CENPO: variants seen among roughly 807,000 people sequenced by gnomAD.
The protein encoded by CENPO is centromeric protein O.
CENPO carries 30 observed loss-of-function variants against 36.1 expected under a neutral mutation model. That is an observed-to-expected ratio of 0.83 (90% CI 0.62 to 1.13). The LOEUF is 1.13. CENPO is among the 50% of genes most tolerant of loss of function. The probability of loss-of-function intolerance (pLI) is 0.00; values close to 1 mark genes in which losing one functional copy is unlikely to be tolerated. For missense variants in CENPO, 349 were observed against 357.8 expected, an observed-to-expected ratio of 0.98 and a Z score of 0.20; for synonymous variants, 171 against 142.3, an observed-to-expected ratio of 1.20 and a Z score of -1.44.
intron 3 of CENPO, among the ~76,000 whole-genome samples, chr2:24,809,918 C>T (rs182442773): frequency 1.3e-5 from 2 of 152,076 alleles, no homozygotes; most frequent in Non-Finnish European, 2.9e-5. Context: ...TGTGGTGGCA[C>T]ATACCTGTAA....
At chr2:24,815,400 T>C in intron 4 of CENPO, 97 bp from the exon 5 acceptor site, 1 of 880,760 alleles carries the variant, frequency 1.1e-6, no homozygotes, top group Admixed American at 1.9e-5. Flanking sequence ...GTACAAAGTG[T>C]ACATATTCTA....
At chr2:24,799,934 T>A in intron 3 of CENPO, 90 bp downstream of exon 3, 1 of 1,367,672 alleles carries the variant, frequency 7.3e-7, no homozygotes, top group Non-Finnish European at 1.0e-6. Context: ...TTTTATAATG[T>A]GTTTTACTTG....
Position 24,821,026 on chromosome 2 carries a change from G to T in CENPO, c.*1708G>T. On this transcript the variant is annotated 3_prime_UTR_variant, in exon 8 of 8. Coordinates refer to ENST00000380834, the MANE Select transcript of CENPO (RefSeq NM_001322101.2). ...AATCACATCTCCTGTTTATCCGTGT[G>T]CTTGTTAGGTGTCAGCCGCCACCCC... is the stretch of plus-strand genomic sequence containing the variant. 2.2e-6 allele frequency: 2 copies of T among 903,974 alleles called. No homozygotes were observed. The highest frequency in any genetic ancestry group is 3.2e-6 in the Non-Finnish European group (2 of 623,182). 56.0% of individuals were successfully genotyped at this position (903,974 alleles called of 1,614,324 possible).
Position 24,821,229 on chromosome 2 carries a change from A to G in CENPO, c.*1911A>G, listed in dbSNP as rs1667650708. The G allele has an allele frequency of 6.6e-6, 3 of 454,200 alleles. No individual in the cohort carries two copies. The highest frequency in any genetic ancestry group is 7.8e-5 in the Admixed American group (2 of 25,582). The allele number at this position is 454,200 out of a possible 1,614,324, so 28.1% of individuals were successfully genotyped here. On this transcript the variant is annotated 3_prime_UTR_variant, in exon 8 of 8. Coordinates refer to ENST00000380834, the MANE Select transcript of CENPO (RefSeq NM_001322101.2). ...AGCCATGTCCTCAGCAGGCACAGCAACCCCTCTGGAAATGGATCACAAACT... is the reference window on the plus strand; with the variant it reads ...AGCCATGTCCTCAGCAGGCACAGCAGCCCCTCTGGAAATGGATCACAAACT...
chr2:24,820,255 C>A lies in CENPO; in HGVS notation c.*937C>A. The A allele has an allele frequency of 8.3e-7, 1 of 1,198,354 alleles. No individual in the cohort carries two copies. Among genetic ancestry groups the A allele is most frequent in the East Asian group, 2.9e-5 (1 of 34,414 alleles). 74.2% of individuals were successfully genotyped at this position (1,198,354 alleles called of 1,614,324 possible). On this transcript the variant is annotated 3_prime_UTR_variant, in exon 8 of 8. Coordinates refer to ENST00000380834, the MANE Select transcript of CENPO (RefSeq NM_001322101.2). ...GGACACTCCCCAAACCTCCCAGGGC[C>A]AAGCCCTTCCACCCGTGGCGAGCAG...
chr2:24,813,389 T>TA (rs1666790622), intron 3 of CENPO, among the ~76,000 whole-genome samples: 1 of 152,206 alleles, frequency 6.6e-6, no homozygotes, highest in Non-Finnish European at 1.5e-5. Context: ...CGGTTTCCCT[T>TA]ACTCCTAGGG....
chr2:24,796,926 G>T (rs906821535), intron 2 of CENPO, among the ~76,000 whole-genome samples: 5 of 152,168 alleles, frequency 3.3e-5, no homozygotes, highest in Non-Finnish European at 7.3e-5. Flanking sequence ...GTGTGGAAAT[G>T]CCTAGAGAAG....
Position 24,821,861 on chromosome 2 carries a change from GGAGACGGACCTGTGAGTCTGACCAC to G in CENPO, c.*2547_*2571del. On this transcript the variant is annotated 3_prime_UTR_variant, in exon 8 of 8. Transcript: ENST00000380834. ...GGCAAAGACTGGGCAATTGAGCAGA[GGAGACGGACCTGTGAGTCTGACCAC>G]GAGGCGGACCCCTTCACCTTGGCTG... 1 of 571,588 alleles carries G rather than the reference GGAGACGGACCTGTGAGTCTGACCAC, an allele frequency of 1.7e-6. No homozygotes were observed. The highest frequency in any genetic ancestry group is 2.3e-5 in the South Asian group (1 of 43,230). 35.4% of individuals were successfully genotyped at this position (571,588 alleles called of 1,614,324 possible).
intron 7 of CENPO, among the ~76,000 whole-genome samples, chr2:24,818,918 C>T (rs1667114218): frequency 6.6e-6 from 1 of 152,236 alleles, no homozygotes; most frequent in Non-Finnish European, 1.5e-5. Flanking sequence ...CTGCAATGGC[C>T]ACGAAGTAAC....
In CENPO at chr2:24,820,180, G is replaced by A. The variant is rs1243022075; in HGVS notation, c.*862G>A. 1.6e-6 allele frequency: 2 copies of A among 1,249,982 alleles called. No homozygotes were observed. The highest frequency in any genetic ancestry group is 5.2e-5 in the East Asian group (2 of 38,550). The allele number at this position is 1,249,982 out of a possible 1,614,324, so 77.4% of individuals were successfully genotyped here. ...GAGCCTAGACTGAGGGCGGGTGGGG[G>A]CTTTGGGTGGTTGGAGCCGAGCACT... On this transcript the variant is annotated 3_prime_UTR_variant, in exon 8 of 8. Coordinates refer to ENST00000380834, the MANE Select transcript of CENPO (RefSeq NM_001322101.2).
At chr2:24,797,122 T>C (rs369075006) in intron 2 of CENPO, among the ~76,000 whole-genome samples, 1 of 152,216 alleles carries the variant, frequency 6.6e-6, no homozygotes, top group Non-Finnish European at 1.5e-5. Flanking sequence ...TAGCTTGAAC[T>C]ACAATGGTGG....
Position 24,822,372 on chromosome 2 carries a change from T to C in CENPO, c.*3054T>C. 3 of 1,222,898 alleles carry C rather than the reference T, an allele frequency of 2.5e-6. No individual in the cohort carries two copies. Among genetic ancestry groups the C allele is most frequent in the Non-Finnish European group, 3.4e-6 (3 of 874,218 alleles). The allele number at this position is 1,222,898 out of a possible 1,614,324, so 75.8% of individuals were successfully genotyped here. A position where few individuals can be genotyped will look rare whatever the true frequency, so the allele number is the denominator to read the frequency against. ...TTTCTCAATAAACCCTATTTCTTATTTATATTTACGTGGTGCTGGTGGTGT... is the reference window on the plus strand; with the variant it reads ...TTTCTCAATAAACCCTATTTCTTATCTATATTTACGTGGTGCTGGTGGTGT... On this transcript the variant is annotated 3_prime_UTR_variant, in exon 8 of 8. Transcript: ENST00000380834.
At chr2:24,812,622 A>G (rs772110212) in intron 3 of CENPO, among the ~76,000 whole-genome samples, 11 of 152,088 alleles carry the variant, frequency 7.2e-5, no homozygotes, top group Non-Finnish European at 1.5e-4. Context: ...GATATGGAAA[A>G]TATGCCTACT....
intron 3 of CENPO, among the ~76,000 whole-genome samples, chr2:24,801,543 T>G (rs1666166906): frequency 6.6e-6 from 1 of 152,230 alleles, no homozygotes; most frequent in African/African-American, 2.4e-5. Flanking sequence ...GCTTTCTACA[T>G]ATGGCTAGCC....
chr2:24,807,152 C>T (rs1365218164), intron 3 of CENPO, among the ~76,000 whole-genome samples: 1 of 152,088 alleles, frequency 6.6e-6, no homozygotes, highest in Non-Finnish European at 1.5e-5. Context: ...ACCTCTCTTC[C>T]TTCCTCCCTT....
At position 24,816,699 on chromosome 2, in the gene CENPO, C is replaced by T. The variant is rs1352791161; in HGVS notation, c.648C>T (p.Asn216=). ...CCTTGCAGAGAAACCCACTGTGTAA[C>T]TTGCTGTCATTTACTTACAAACTGG... ...TGPLQRNPLC[N]LLSFTYKLDP... is the part of the protein sequence containing the mutation. The change falls in exon 6 of 8, where the codon AAC becomes AAT. Residue 216 remains asparagine (N), a synonymous_variant. Transcript: ENST00000380834. The T allele has an allele frequency of 6.2e-7, 1 of 1,613,150 alleles. No homozygotes were observed. The highest frequency in any genetic ancestry group is 1.3e-5 in the African/African-American group (1 of 74,898).
chr2:24,807,254 C>G (rs1666448139), intron 3 of CENPO, among the ~76,000 whole-genome samples: 1 of 152,130 alleles, frequency 6.6e-6, no homozygotes, highest in South Asian at 2.1e-4. Context: ...ACCCAGAAGC[C>G]TCCAGTTTGC....
At chr2:24,799,113 C>T (rs1318831145) in intron 2 of CENPO, among the ~76,000 whole-genome samples, 1 of 151,594 alleles carries the variant, frequency 6.6e-6, no homozygotes, top group Admixed American at 6.6e-5. Flanking sequence ...AATTCTGCCT[C>T]AGCCTCCCGA....
At chr2:24,803,198 G>A (rs948272553) in intron 3 of CENPO, among the ~76,000 whole-genome samples, 8 of 149,496 alleles carry the variant, frequency 5.4e-5, no homozygotes, top group African/African-American at 1.2e-4. Context: ...TTTTTATTGC[G>A]TCTACTTGAT....
Sources: gnomAD v4.1 joint callset for allele counts (sites outside exome capture counted in the v4.1 genomes callset) on GRCh38, gnomAD v4.1.1 for gene constraint, MANE v1.5 for transcripts, NCBI Gene and HGNC (gene_info 2026-07-23, HGNC 2026-07-21) for gene names.